The following PTPRN2 variants were observed in gnomAD, a reference collection of about 807,000 sequenced individuals.
The protein encoded by PTPRN2 is protein tyrosine phosphatase receptor type N2.
A neutral mutation model predicts 118.8 loss-of-function variants in PTPRN2; 74 were observed. That is an observed-to-expected ratio of 0.62 (90% CI 0.52 to 0.76). The LOEUF (loss-of-function observed/expected upper bound fraction) is 0.76. PTPRN2 is among the 30% of genes least tolerant of loss of function. PTPRN2 has a pLI of 0.00. For missense variants in PTPRN2, 1,481 were observed against 1,394.4 expected, an observed-to-expected ratio of 1.06 and a Z score of -0.99; for synonymous variants, 641 against 608.0, an observed-to-expected ratio of 1.05 and a Z score of -0.80.
At chr7:157,748,356 G>A (rs1801160970) in intron 12 of PTPRN2, among the ~76,000 whole-genome samples, 1 of 149,958 alleles carries the variant, frequency 6.7e-6, no homozygotes, top group Non-Finnish European at 1.5e-5. Flanking sequence ...TGAGGCCTGC[G>A]TCCCTGAGCT....
rs1166715866 is a variant in PTPRN2, at chr7:157,987,766, C to G, written c.1724-89029G>C. ...GAGCGGATGGGGGACTAAGAACATC[C>G]ATTCTGCAGAAAGTGGGACATTCAG... On this transcript the variant is annotated intron_variant, in intron 11 of 22. Transcript: ENST00000389418. This position sits in a 1 kb window ranked among gnomAD's most constrained non-coding sequence, Gnocchi z 4.3. Among the ~76,000 whole-genome samples the G allele has an allele frequency of 1.3e-5, 2 of 152,312 alleles. No individual in the cohort carries two copies. The highest frequency in any genetic ancestry group is 4.8e-5 in the African/African-American group (2 of 41,552).
In PTPRN2 at chr7:157,682,658, G is replaced by A. The variant is rs1796967715; in HGVS notation, c.2001+67C>T. ...TGGGAATGGAGGAGGGGCCAGAGAGGAACGCCATCATCTGCCTGTTCAACA... is the reference window on the plus strand; with the variant it reads ...TGGGAATGGAGGAGGGGCCAGAGAGAAACGCCATCATCTGCCTGTTCAACA... On this transcript the variant is annotated intron_variant, in intron 13 of 22. Transcript: ENST00000389418. 1.9e-5 allele frequency: 28 copies of A among 1,471,724 alleles called. No individual in the cohort carries two copies. The South Asian group carries it at 3.0e-4, about 16-fold the overall frequency. The allele number at this position is 1,471,724 out of a possible 1,614,324, so 91.2% of individuals were successfully genotyped here.
intron 12 of PTPRN2, among the ~76,000 whole-genome samples, chr7:157,722,453 C>T (rs77075581): frequency 0.012 from 1,880 of 152,104 alleles, 33 homozygotes; most frequent in East Asian, 0.039. Flanking sequence ...GCGCCCATGT[C>T]GGTGCAGTTG....
At chr7:157,858,048 C>T (rs188387387) in intron 12 of PTPRN2, among the ~76,000 whole-genome samples, 1 of 151,892 alleles carries the variant, frequency 6.6e-6, no homozygotes, top group African/African-American at 2.4e-5. Context: ...GTCAGCCCCC[C>T]AGCTACCACC....
At chr7:157,665,191 G>A (rs560541592) in intron 13 of PTPRN2, among the ~76,000 whole-genome samples, 2 of 152,342 alleles carry the variant, frequency 1.3e-5, no homozygotes, top group South Asian at 4.1e-4. Context: ...TTCACTTAAA[G>A]GAAAATCTTC....
intron 17 of PTPRN2, among the ~76,000 whole-genome samples, chr7:157,593,854 A>G (rs1056340277): frequency 2.6e-5 from 4 of 152,152 alleles, no homozygotes; most frequent in African/African-American, 9.7e-5. Context: ...TGCCCCCAAA[A>G]CCATCCAAGT....
intron 12 of PTPRN2, among the ~76,000 whole-genome samples, chr7:157,758,267 A>G (rs980437202): frequency 1.5e-4 from 23 of 152,350 alleles, no homozygotes; most frequent in Non-Finnish European, 2.1e-4. Context: ...TGTTGCCCAC[A>G]GTCCAGGCCT....
chr7:158,357,147 G>A (rs947604164), intron 2 of PTPRN2, among the ~76,000 whole-genome samples: 6 of 152,260 alleles, frequency 3.9e-5, no homozygotes, highest in Non-Finnish European at 8.8e-5. Context: ...AGAGGAACCG[G>A]ACGAATGATG....
At chr7:157,946,068 C>T (rs764855103) in intron 11 of PTPRN2, among the ~76,000 whole-genome samples, 14 of 152,164 alleles carry the variant, frequency 9.2e-5, no homozygotes, top group Non-Finnish European at 4.4e-5. Flanking sequence ...CTCAGGCAAA[C>T]TTAGAAGCTC....
At chr7:158,256,373 G>C (rs1391511103) in intron 3 of PTPRN2, among the ~76,000 whole-genome samples, 1 of 152,224 alleles carries the variant, frequency 6.6e-6, no homozygotes, top group Non-Finnish European at 1.5e-5. Flanking sequence ...CTCACTCTGA[G>C]AGGAGTTGTC....
At chr7:158,537,199 T>C (rs910537541) in intron 1 of PTPRN2, among the ~76,000 whole-genome samples, 5 of 150,052 alleles carry the variant, frequency 3.3e-5, no homozygotes, top group Non-Finnish European at 7.4e-5. Flanking sequence ...TAAACATCCA[T>C]TGTTTAAGCC....
intron 9 of PTPRN2, among the ~76,000 whole-genome samples, chr7:158,113,665 G>C (rs554896286): frequency 1.3e-5 from 2 of 152,218 alleles, no homozygotes; most frequent in Non-Finnish European, 2.9e-5. Flanking sequence ...GCTGGAGAGA[G>C]AGGGTAGTTC....
At chr7:157,802,049 C>T (rs1385193761) in intron 12 of PTPRN2, among the ~76,000 whole-genome samples, 2 of 152,170 alleles carry the variant, frequency 1.3e-5, no homozygotes, top group South Asian at 2.1e-4. Context: ...CCCCGGCGTC[C>T]CTCTCCGACT....
Position 157,776,527 on chromosome 7 carries a change from CCTCT to C in PTPRN2, c.1789-93594_1789-93591del, listed in dbSNP as rs1375924706. 2.9e-4 allele frequency among the ~76,000 whole-genome samples: 36 copies of C among 122,276 alleles called. 2 individuals are homozygous for C. In the South Asian group the frequency reaches 3.1e-3, roughly 11 times the overall value. The allele number at this position is 122,276 out of a possible 152,430, so 80.2% of individuals were successfully genotyped here. A position where few individuals can be genotyped will look rare whatever the true frequency, so the allele number is the denominator to read the frequency against. On this transcript the variant is annotated intron_variant, in intron 12 of 22. Coordinates refer to ENST00000389418, the MANE Select transcript of PTPRN2 (RefSeq NM_002847.5). ...TCCTCCTCCCTCTCCTTCTCCCTCTCCTCTCTCTCCTTCTCCCTCTCCTCCTCTC... is the reference window on the plus strand; with the variant it reads ...TCCTCCTCCCTCTCCTTCTCCCTCTCCTCTCCTTCTCCCTCTCCTCCTCTC...
At chr7:158,519,908 C>A (rs1024525941) in intron 1 of PTPRN2, among the ~76,000 whole-genome samples, 2 of 152,208 alleles carry the variant, frequency 1.3e-5, no homozygotes, top group Non-Finnish European at 2.9e-5. Context: ...CTTACATTTT[C>A]CAACTTTACT....
At chr7:158,136,132 C>T (rs1268184362) in intron 8 of PTPRN2, among the ~76,000 whole-genome samples, 1 of 152,236 alleles carries the variant, frequency 6.6e-6, no homozygotes, top group Non-Finnish European at 1.5e-5. Context: ...AGCGCCTTGG[C>T]CCTGAGCCAC....
intron 17 of PTPRN2, among the ~76,000 whole-genome samples, chr7:157,593,435 GC>G (rs1801114577): frequency 6.6e-6 from 1 of 152,236 alleles, no homozygotes; most frequent in South Asian, 2.1e-4. Context: ...GGCTGTGGGG[GC>G]CCAAGGGCTC....
At chr7:157,965,231 T>C (rs1241496422) in intron 11 of PTPRN2, among the ~76,000 whole-genome samples, 4 of 152,210 alleles carry the variant, frequency 2.6e-5, no homozygotes, top group Non-Finnish European at 4.4e-5. Flanking sequence ...CCATATTTCA[T>C]CAATTTCAAG....
intron 1 of PTPRN2, among the ~76,000 whole-genome samples, chr7:158,501,955 G>C (rs987751573): frequency 6.6e-6 from 1 of 152,162 alleles, no homozygotes; most frequent in African/African-American, 2.4e-5. Flanking sequence ...TGCGATGTCC[G>C]AACTGCCTTA....
Sources: allele counts gnomAD v4.1 joint callset (sites outside exome capture counted in the v4.1 genomes callset), GRCh38; gene constraint gnomAD v4.1.1; non-coding constraint Gnocchi (gnomAD v3.1); transcripts MANE v1.5; gene names NCBI Gene and HGNC (gene_info 2026-07-23, HGNC 2026-07-21).